TSHZ3: variants seen among roughly 807,000 people sequenced by gnomAD.
The protein encoded by TSHZ3 is teashirt zinc finger homeobox 3, also known as teashirt homolog 3.
In TSHZ3, 10 loss-of-function variants were observed where a neutral mutation model predicts 64.5. The observed-to-expected ratio is 0.16, with a 90% CI of 0.10 to 0.26. The LOEUF (loss-of-function observed/expected upper bound fraction) is 0.26. Ranked by LOEUF, TSHZ3 falls within the 10% of genes least tolerant of loss-of-function variation. The probability of loss-of-function intolerance (pLI) is 1.00; values close to 1 mark genes in which losing one functional copy is unlikely to be tolerated. For missense variants in TSHZ3, 1,242 were observed against 1,421.7 expected, an observed-to-expected ratio of 0.87 and a Z score of 2.03; for synonymous variants, 608 against 593.1, an observed-to-expected ratio of 1.03 and a Z score of -0.36.
At chr19:31,309,247 C>A (rs1281454495) in intron 1 of TSHZ3, among the ~76,000 whole-genome samples, 1 of 152,198 alleles carries the variant, frequency 6.6e-6, no homozygotes, top group Non-Finnish European at 1.5e-5. Flanking sequence ...TATGGGCTAA[C>A]CCACCAGGGT....
chr19:31,307,334 T>C (rs1266374603), intron 1 of TSHZ3, among the ~76,000 whole-genome samples: 1 of 151,870 alleles, frequency 6.6e-6, no homozygotes, highest in African/African-American at 2.4e-5. Flanking sequence ...TCTGGGAAGG[T>C]TCTGGGCTTT....
rs556413170 is a variant in TSHZ3, at chr19:31,238,500, C to T, written n.550+3769G>A. Among the ~76,000 whole-genome samples, 9 of 152,290 alleles carry T rather than the reference C, an allele frequency of 5.9e-5. No homozygotes were observed. The East Asian group carries it at 1.5e-3, about 26-fold the overall frequency. On this transcript the variant is annotated intron_variant and non_coding_transcript_variant, in intron 3 of 6. Transcript: ENST00000651361. Reference sequence around the variant, plus strand: ...TGAACTCCTGACCTCGAGTGATCTGCCTACCTTGGCCTCCCAAATTGCTGG... The same window carrying T: ...TGAACTCCTGACCTCGAGTGATCTGTCTACCTTGGCCTCCCAAATTGCTGG...
chr19:31,211,167 C>T (rs1496637), intron 4 of TSHZ3, among the ~76,000 whole-genome samples: 106,004 of 152,032 alleles, frequency 0.7, 37,173 homozygotes, highest in African/African-American at 0.78. Flanking sequence ...TCCAAAGAGT[C>T]CATGACAGAG....
chr19:31,149,916 C>G (rs557012495), downstream of TSHZ3, among the ~76,000 whole-genome samples: 9 of 152,172 alleles, frequency 5.9e-5, no homozygotes, highest in South Asian at 1.7e-3. Context: ...GAGTGGGGAA[C>G]AGATTAAATT....
chr19:31,169,475 G>T (rs145608145), intron 5 of TSHZ3, among the ~76,000 whole-genome samples: 2 of 152,178 alleles, frequency 1.3e-5, no homozygotes, highest in African/African-American at 4.8e-5. Context: ...GAGAATTACT[G>T]TTTAATTCAG....
At chr19:31,339,095 C>T (rs913863695) in intron 1 of TSHZ3, among the ~76,000 whole-genome samples, 2 of 152,054 alleles carry the variant, frequency 1.3e-5, no homozygotes, top group Admixed American at 1.3e-4. Flanking sequence ...CAATAACGCA[C>T]GTTTGAATCA....
intron 6 of TSHZ3, among the ~76,000 whole-genome samples, chr19:31,153,417 A>G (rs1312111493): frequency 6.6e-6 from 1 of 152,218 alleles, no homozygotes; most frequent in African/African-American, 2.4e-5. Context: ...AAGGACAGTC[A>G]TTTAAGCTGA....
At chr19:31,191,688 C>A (rs1456019900) in intron 5 of TSHZ3, among the ~76,000 whole-genome samples, 1 of 151,896 alleles carries the variant, frequency 6.6e-6, no homozygotes, top group Non-Finnish European at 1.5e-5. Context: ...GAGACCCCAT[C>A]CCTAGAAAAA....
At chr19:31,285,691 C>T (rs1295536113) in intron 1 of TSHZ3, among the ~76,000 whole-genome samples, 2 of 139,628 alleles carry the variant, frequency 1.4e-5, no homozygotes, top group East Asian at 2.3e-4. Context: ...GGCTGAGGCA[C>T]GAGAATTGCT....
At chr19:31,187,973 T>C (rs865890032) in intron 5 of TSHZ3, among the ~76,000 whole-genome samples, 1 of 152,064 alleles carries the variant, frequency 6.6e-6, no homozygotes. Flanking sequence ...GAATTTCTAT[T>C]TGGATAGCAG....
At chr19:31,332,362 T>C (rs897447227) in intron 1 of TSHZ3, among the ~76,000 whole-genome samples, 3 of 152,170 alleles carry the variant, frequency 2.0e-5, no homozygotes, top group African/African-American at 7.2e-5. Flanking sequence ...TTCCCCACAC[T>C]GCCATGGCAG....
intron 1 of TSHZ3, among the ~76,000 whole-genome samples, chr19:31,309,258 G>A (rs921913556): frequency 2.0e-5 from 3 of 152,238 alleles, no homozygotes; most frequent in African/African-American, 7.2e-5. Flanking sequence ...CCACCAGGGT[G>A]CGTGATGTAA....
chr19:31,277,053 G>A lies in TSHZ3; in HGVS notation c.2740C>T (p.Leu914Phe), dbSNP rs776671083. 2 of 1,609,468 alleles carry A rather than the reference G, an allele frequency of 1.2e-6. No individual in the cohort carries two copies. The highest frequency in any genetic ancestry group is 1.7e-6 in the Non-Finnish European group (2 of 1,176,906). The change falls in exon 2 of 2, where the codon CTC (leucine) becomes TTC (phenylalanine). Residue 914 changes from leucine to phenylalanine, a missense_variant. Around this residue, in one of 4 missense-constraint regions of TSHZ3, gnomAD observed 550 missense variants for 545.1 expected, o/e 1.01. Transcript: ENST00000240587. The surrounding 1 kb of genome is among the most constrained non-coding windows in gnomAD (Gnocchi z 4.5). ...LILQAQFAAS[L>F]RQTSEGKYIM... Reference sequence around the variant, plus strand: ...TACTTCCCTTCTGAGGTCTGCCGGAGGCTGGCGGCAAACTGGGCCTGGAGG... The same window carrying A: ...TACTTCCCTTCTGAGGTCTGCCGGAAGCTGGCGGCAAACTGGGCCTGGAGG...
At chr19:31,213,847 A>G (rs1270952081) in intron 4 of TSHZ3, among the ~76,000 whole-genome samples, 2 of 152,092 alleles carry the variant, frequency 1.3e-5, no homozygotes, top group Non-Finnish European at 2.9e-5. Context: ...ATAAGTCTAC[A>G]CTCTTTCTTC....
At chr19:31,330,909 G>A (rs140600617) in intron 1 of TSHZ3, among the ~76,000 whole-genome samples, 153 of 152,242 alleles carry the variant, frequency 1.0e-3, no homozygotes, top group African/African-American at 3.3e-3. Context: ...TGACATGCAT[G>A]CTTGTCCCCC....
intron 4 of TSHZ3, among the ~76,000 whole-genome samples, chr19:31,213,697 T>C (rs1218797198): frequency 6.6e-6 from 1 of 152,148 alleles, no homozygotes; most frequent in East Asian, 1.9e-4. Context: ...TCTGTATCTC[T>C]TGTGAACCAA....
In TSHZ3 at chr19:31,318,936, A is replaced by ATG. The variant is rs1916685027; in HGVS notation, c.40+30242_40+30243dup. 2.6e-5 allele frequency among the ~76,000 whole-genome samples: 4 copies of ATG among 152,206 alleles called. No individual in the cohort carries two copies. In the South Asian group the frequency reaches 8.3e-4, roughly 32 times the overall value. On this transcript the variant is annotated intron_variant, in intron 1 of 1. Transcript: ENST00000240587. Reference sequence around the variant, plus strand: ...TTTATAGCAGCTCTGGTGCCTCCTCATGGGCTCCTCCCATGGCCCAGACAA... The same window carrying ATG: ...TTTATAGCAGCTCTGGTGCCTCCTCATGTGGGCTCCTCCCATGGCCCAGACAA...
At chr19:31,217,351 T>C (rs962120316) in intron 4 of TSHZ3, among the ~76,000 whole-genome samples, 20 of 152,014 alleles carry the variant, frequency 1.3e-4, no homozygotes, top group Non-Finnish European at 2.6e-4. Flanking sequence ...GTCAAGGAGA[T>C]GGGCAGGGCT....
chr19:31,179,729 AGGT>A (rs61269486), intron 5 of TSHZ3, among the ~76,000 whole-genome samples: 76,799 of 147,128 alleles, frequency 0.52, 19,977 homozygotes, highest in South Asian at 0.59. Flanking sequence ...TGATGATGGT[AGGT>A]GGTGGTGGTG....
Sources: gnomAD v4.1 joint callset for allele counts (sites outside exome capture counted in the v4.1 genomes callset) on GRCh38, gnomAD v4.1.1 for gene constraint, gnomAD v4.1.1 regional missense constraint, Gnocchi (gnomAD v3.1) non-coding constraint, MANE v1.5 for transcripts, NCBI Gene and HGNC (gene_info 2026-07-23, HGNC 2026-07-21) for gene names.